The following KCNMB2 variants were observed in gnomAD, a reference collection of about 807,000 sequenced individuals.
The protein encoded by KCNMB2 is calcium-activated potassium channel subunit beta-2.
In KCNMB2, 9 loss-of-function variants were observed where a neutral mutation model predicts 24.5. The observed-to-expected ratio is 0.37, with a 90% CI of 0.22 to 0.64. KCNMB2 has a LOEUF of 0.64. Among genes scored for constraint, KCNMB2 ranks in the 30% least tolerant of loss-of-function variants. The pLI, the probability that KCNMB2 is intolerant of heterozygous loss-of-function variation, is 0.63. For synonymous variants in KCNMB2, 109 were observed against 104.4 expected (o/e 1.04, Z -0.27); for missense variants, 226 against 284.3 (o/e 0.79, Z 1.47).
intron 2 of KCNMB2, among the ~76,000 whole-genome samples, chr3:178,818,274 G>A (rs1001040018): frequency 6.6e-6 from 1 of 152,078 alleles, no homozygotes; most frequent in South Asian, 2.1e-4. Flanking sequence ...TTGTTTGTTT[G>A]TTTGTTCTTA....
At chr3:178,609,115 A>G (rs1718384706) in intron 1 of KCNMB2, among the ~76,000 whole-genome samples, 1 of 152,192 alleles carries the variant, frequency 6.6e-6, no homozygotes, top group African/African-American at 2.4e-5. Context: ...CAAACAATGT[A>G]CAACAGTTCC....
chr3:178,701,376 G>A (rs1210286117), intron 1 of KCNMB2, among the ~76,000 whole-genome samples: 5 of 152,174 alleles, frequency 3.3e-5, no homozygotes, highest in Non-Finnish European at 7.3e-5. Flanking sequence ...AGTATAGTTT[G>A]AAGTCAGGTA....
intron 4 of KCNMB2, among the ~76,000 whole-genome samples, chr3:178,836,089 C>G (rs1222468078): frequency 6.6e-6 from 1 of 152,112 alleles, no homozygotes; most frequent in Non-Finnish European, 1.5e-5. Flanking sequence ...TCCCTTCCTA[C>G]CATCACAAGG....
intron 1 of KCNMB2, among the ~76,000 whole-genome samples, chr3:178,652,974 GT>G (rs1720187371): frequency 6.6e-6 from 1 of 151,926 alleles, no homozygotes; most frequent in Admixed American, 6.6e-5. Context: ...TCTATATACT[GT>G]TTTAAGTCAA....
intron 1 of KCNMB2, among the ~76,000 whole-genome samples, chr3:178,697,812 G>A (rs115496329): frequency 2.2e-4 from 34 of 152,184 alleles, no homozygotes; most frequent in Middle Eastern, 3.4e-3. Flanking sequence ...AACAAATTCC[G>A]TCAGCATTTG....
intron 4 of KCNMB2, among the ~76,000 whole-genome samples, chr3:178,833,981 T>C (rs1715135338): frequency 6.6e-6 from 1 of 152,152 alleles, no homozygotes; most frequent in Non-Finnish European, 1.5e-5. Context: ...TTCACTGTGG[T>C]TGTTGCTTGT....
At chr3:178,829,254 G>T (rs1714965718) in intron 4 of KCNMB2, among the ~76,000 whole-genome samples, 1 of 151,940 alleles carries the variant, frequency 6.6e-6, no homozygotes, top group African/African-American at 2.4e-5. Context: ...TTATTACCAG[G>T]ATAAACCCTT....
chr3:178,605,564 T>G (rs1459517726), intron 1 of KCNMB2, among the ~76,000 whole-genome samples: 2 of 152,190 alleles, frequency 1.3e-5, no homozygotes, highest in Admixed American at 1.3e-4. Flanking sequence ...TGGTACAGGC[T>G]CAGAAAGAAA....
rs1188530672 is a variant in KCNMB2 at position 178,573,516 on chromosome 3, G to A, written c.-68+36805G>A. Among the ~76,000 whole-genome samples the A allele has an allele frequency of 2.6e-5, 4 of 151,526 alleles. No individual in the cohort carries two copies. The South Asian group carries it at 6.3e-4, about 24-fold the overall frequency. The stretch of plus-strand genomic sequence containing the variant: ...GCAATTTGAGAAACCAAGGCAGGAG[G>A]ATTGCTTGAGCTCAGGAGTTCAAGT... On this transcript the variant is annotated intron_variant, in intron 1 of 4. Coordinates refer to ENST00000452583, the MANE Select transcript of KCNMB2 (RefSeq NM_181361.3).
intron 1 of KCNMB2, among the ~76,000 whole-genome samples, chr3:178,758,427 G>GATAT (rs553780762): frequency 2.5e-4 from 7 of 27,698 alleles, no homozygotes; most frequent in African/African-American, 8.9e-4. Flanking sequence ...TCCAAGAGGG[G>GATAT]ATATATATAT....
intron 1 of KCNMB2, among the ~76,000 whole-genome samples, chr3:178,751,640 G>C (rs1211239043): frequency 7.5e-6 from 1 of 133,030 alleles, no homozygotes; most frequent in Non-Finnish European, 1.6e-5. Context: ...GATTATTTTA[G>C]AGCAAATGGA....
chr3:178,609,276 T>C (rs915011237), intron 1 of KCNMB2, among the ~76,000 whole-genome samples: 1 of 152,206 alleles, frequency 6.6e-6, no homozygotes, highest in Non-Finnish European at 1.5e-5. Flanking sequence ...TTTGCCCTTT[T>C]TTATGACTTC....
intron 1 of KCNMB2, among the ~76,000 whole-genome samples, chr3:178,665,370 T>TA (rs1448051729): frequency 6.6e-6 from 1 of 152,288 alleles, no homozygotes; most frequent in South Asian, 2.1e-4. Context: ...CAACATTGTT[T>TA]AAAAAATGAT....
intron 4 of KCNMB2, among the ~76,000 whole-genome samples, chr3:178,842,014 C>T (rs1715445675): frequency 6.6e-6 from 1 of 152,182 alleles, no homozygotes; most frequent in African/African-American, 2.4e-5. Flanking sequence ...GGAAAAGCTA[C>T]TTTGGCACAC....
intron 4 of KCNMB2, among the ~76,000 whole-genome samples, chr3:178,839,045 A>G (rs932716264): frequency 2.0e-5 from 3 of 152,182 alleles, no homozygotes; most frequent in Non-Finnish European, 4.4e-5. Flanking sequence ...ATTCTGATAA[A>G]TCAGATAAGT....
At chr3:178,648,820 C>G (rs1720009483) in intron 1 of KCNMB2, among the ~76,000 whole-genome samples, 1 of 152,136 alleles carries the variant, frequency 6.6e-6, no homozygotes, top group Non-Finnish European at 1.5e-5. Context: ...TTTAATGTCA[C>G]TTATAGTTTG....
At chr3:178,679,229 T>C (rs558969179) in intron 1 of KCNMB2, among the ~76,000 whole-genome samples, 76 of 152,218 alleles carry the variant, frequency 5.0e-4, no homozygotes, top group South Asian at 3.1e-3. Context: ...TCTCAATTTC[T>C]CCTTTATTTT....
At chr3:178,655,093 T>G (rs1338006446) in intron 1 of KCNMB2, among the ~76,000 whole-genome samples, 3 of 117,692 alleles carry the variant, frequency 2.5e-5, no homozygotes, top group African/African-American at 1.1e-4. Flanking sequence ...ATATTAGCTC[T>G]CCCTCTCTCT....
At chr3:178,754,954 C>G (rs1049976025) in intron 1 of KCNMB2, among the ~76,000 whole-genome samples, 2 of 152,234 alleles carry the variant, frequency 1.3e-5, no homozygotes, top group African/African-American at 4.8e-5. Flanking sequence ...CATGTTTGGG[C>G]ATCAATCTGC....
Sources: gnomAD v4.1 joint callset for allele counts (sites outside exome capture counted in the v4.1 genomes callset) on GRCh38, gnomAD v4.1.1 for gene constraint, MANE v1.5 for transcripts, NCBI Gene and HGNC (gene_info 2026-07-23, HGNC 2026-07-21) for gene names.